MAP2K5: variants seen among roughly 807,000 people sequenced by gnomAD.
MAP2K5 encodes dual specificity mitogen-activated protein kinase kinase 5.
Under a neutral mutation model 83.1 loss-of-function variants are expected in MAP2K5, and 49 were observed. The observed-to-expected ratio is 0.59, with a 90% confidence interval of 0.47 to 0.75. The LOEUF (loss-of-function observed/expected upper bound fraction) is 0.75. Among genes scored for constraint, MAP2K5 ranks in the 30% least tolerant of loss-of-function variants. The pLI is 0.00. For missense variants in MAP2K5, 457 were observed against 557.5 expected (o/e 0.82, Z 1.82); for synonymous variants, 202 against 191.8 (o/e 1.05, Z -0.44).
intron 17 of MAP2K5, among the ~76,000 whole-genome samples, chr15:67,740,178 TA>T (rs1472506313): frequency 1.3e-5 from 2 of 152,240 alleles, no homozygotes; most frequent in African/African-American, 2.4e-5. Context: ...CCAGCAATTG[TA>T]TTCTATCCAT....
At chr15:67,745,232 A>C (rs916911867) in intron 17 of MAP2K5, among the ~76,000 whole-genome samples, 4 of 152,260 alleles carry the variant, frequency 2.6e-5, no homozygotes, top group Admixed American at 2.6e-4. Context: ...AGTTATAAAC[A>C]GCATTTCATA....
At chr15:67,653,737 G>C (rs2087004977) in intron 11 of MAP2K5, among the ~76,000 whole-genome samples, 2 of 150,644 alleles carry the variant, frequency 1.3e-5, no homozygotes, top group Non-Finnish European at 3.0e-5. Context: ...TTTAGTTTTA[G>C]CTTGATGTTC....
At chr15:67,678,472 A>C (rs1475323974) in intron 13 of MAP2K5, among the ~76,000 whole-genome samples, 1 of 152,256 alleles carries the variant, frequency 6.6e-6, no homozygotes, top group Middle Eastern at 3.2e-3. Context: ...AAGAGCATTC[A>C]GTGAGACATG....
At chr15:67,602,468 C>G (rs1443930945) in intron 8 of MAP2K5, among the ~76,000 whole-genome samples, 1 of 152,148 alleles carries the variant, frequency 6.6e-6, no homozygotes, top group South Asian at 2.1e-4. Flanking sequence ...TCCTAACCTA[C>G]TTATCTGTGT....
intron 17 of MAP2K5, among the ~76,000 whole-genome samples, chr15:67,740,870 A>C (rs548880152): frequency 6.6e-6 from 1 of 152,208 alleles, no homozygotes; most frequent in East Asian, 1.9e-4. Context: ...TCTACTAAAA[A>C]TACAAAAATT....
chr15:67,731,613 G>A (rs1030751666), intron 17 of MAP2K5, among the ~76,000 whole-genome samples: 2 of 152,162 alleles, frequency 1.3e-5, no homozygotes, highest in African/African-American at 4.8e-5. Context: ...TAGGGTTCCA[G>A]TCTCAGGCTG....
At position 67,764,087 on chromosome 15, in the gene MAP2K5, A is replaced by G. The variant is rs2089999627; in HGVS notation, c.1135-5515A>G. On this transcript the variant is annotated intron_variant, in intron 19 of 21. Transcript: ENST00000178640. The surrounding 1 kb of genome is among the most constrained non-coding windows in gnomAD (Gnocchi z 4.9). ...GTCTAGAAGTGGGCTATTAAAAAAC[A>G]GTTAGAGGGCTGGCCATATTTCATT... Among the ~76,000 whole-genome samples the G allele has an allele frequency of 6.6e-6, 1 of 152,240 alleles. No homozygotes were observed. Among genetic ancestry groups the G allele is most frequent in the Admixed American group, 6.5e-5 (1 of 15,282 alleles).
chr15:67,748,739 G>T lies in MAP2K5; in HGVS notation c.1134+138G>T, dbSNP rs1329398980. The T allele has an allele frequency of 1.1e-5, 8 of 707,884 alleles. No individual in the cohort carries two copies. The highest frequency in any genetic ancestry group is 1.9e-5 in the Non-Finnish European group (8 of 425,562). The allele number at this position is 707,884 out of a possible 1,614,324, so 43.9% of individuals were successfully genotyped here. Reference sequence around the variant, plus strand: ...GTTGTATGGCTCTGAGCTATGTTACGTGAACTGGCCTTGTCCTGAATCCCA... The same window carrying T: ...GTTGTATGGCTCTGAGCTATGTTACTTGAACTGGCCTTGTCCTGAATCCCA... On this transcript the variant is annotated intron_variant, in intron 19 of 21. Transcript: ENST00000178640. This position sits in a 1 kb window ranked among gnomAD's most constrained non-coding sequence, Gnocchi z 4.0.
At chr15:67,611,803 A>G (rs1308876338) in intron 8 of MAP2K5, among the ~76,000 whole-genome samples, 1 of 152,212 alleles carries the variant, frequency 6.6e-6, no homozygotes, top group Non-Finnish European at 1.5e-5. Context: ...AGGAGCTAGA[A>G]TAAACAGAAT....
chr15:67,734,733 T>G (rs1343211148), intron 17 of MAP2K5, among the ~76,000 whole-genome samples: 1 of 152,186 alleles, frequency 6.6e-6, no homozygotes, highest in Non-Finnish European at 1.5e-5. Context: ...AAAAGAGGTA[T>G]TAGAATCTAT....
chr15:67,621,757 G>A (rs908390145), intron 8 of MAP2K5, among the ~76,000 whole-genome samples: 6 of 152,200 alleles, frequency 3.9e-5, no homozygotes, highest in African/African-American at 1.4e-4. Flanking sequence ...TGTGCCTGAT[G>A]TAGTTTTAGG....
intron 3 of MAP2K5, among the ~76,000 whole-genome samples, chr15:67,575,931 T>TC (rs1596583496): frequency 1.1e-3 from 162 of 146,632 alleles, no homozygotes; most frequent in African/African-American, 3.7e-3. Context: ...TTTTTTTTTT[T>TC]TTTTTTAAGA....
chr15:67,693,675 C>A, intron 15 of MAP2K5, 107 bp downstream of exon 15: 1 of 814,212 alleles, frequency 1.2e-6, no homozygotes, highest in Non-Finnish European at 2.0e-6. Context: ...CCTAGCAGAT[C>A]ATAAATTGCA....
intron 8 of MAP2K5, among the ~76,000 whole-genome samples, chr15:67,617,635 C>T (rs1459209322): frequency 6.6e-6 from 1 of 152,148 alleles, no homozygotes; most frequent in Non-Finnish European, 1.5e-5. Flanking sequence ...CAGGTTGTTT[C>T]TCCCTTCTGT....
At chr15:67,661,448 G>A (rs1304809289) in intron 12 of MAP2K5, among the ~76,000 whole-genome samples, 1 of 152,086 alleles carries the variant, frequency 6.6e-6, no homozygotes, top group Non-Finnish European at 1.5e-5. Flanking sequence ...TAGTGTCAAG[G>A]CTTTGTCAAG....
intron 11 of MAP2K5, among the ~76,000 whole-genome samples, chr15:67,647,267 G>A (rs1406274626): frequency 6.6e-6 from 1 of 152,122 alleles, no homozygotes; most frequent in Non-Finnish European, 1.5e-5. Context: ...GTCATAAGGT[G>A]TACAACATGC....
intron 4 of MAP2K5, among the ~76,000 whole-genome samples, chr15:67,584,014 G>A (rs2085239385): frequency 6.6e-6 from 1 of 152,030 alleles, no homozygotes; most frequent in Admixed American, 6.6e-5. Context: ...TTCTCCAAGT[G>A]CTGGGATGAA....
intron 21 of MAP2K5, among the ~76,000 whole-genome samples, chr15:67,797,656 T>C (rs2090627079): frequency 6.6e-6 from 1 of 152,168 alleles, no homozygotes; most frequent in South Asian, 2.1e-4. Flanking sequence ...TCACTGGTTT[T>C]TTTTAAATTT....
Position 67,690,157 on chromosome 15 carries a change from C to T in MAP2K5, c.848-2322C>T, listed in dbSNP as rs1198932013. Among the ~76,000 whole-genome samples, 1 of 152,054 alleles carries T rather than the reference C, an allele frequency of 6.6e-6. No homozygotes were observed. Among genetic ancestry groups the T allele is most frequent in the Non-Finnish European group, 1.5e-5 (1 of 68,000 alleles). On this transcript the variant is annotated intron_variant, in intron 13 of 21. Coordinates refer to ENST00000178640, the MANE Select transcript of MAP2K5 (RefSeq NM_145160.3). This position sits in a 1 kb window ranked among gnomAD's most constrained non-coding sequence, Gnocchi z 4.3. ...TTTAGGACATCAATATGTAAAAGAA[C>T]AAATTGTCCAAAAGAAAAATATTTA...
Sources: gnomAD v4.1 joint callset for allele counts (sites outside exome capture counted in the v4.1 genomes callset) on GRCh38, gnomAD v4.1.1 for gene constraint, Gnocchi (gnomAD v3.1) non-coding constraint, MANE v1.5 for transcripts, NCBI Gene and HGNC (gene_info 2026-07-23, HGNC 2026-07-21) for gene names.